The following WWP2 variants were observed in gnomAD, a reference collection of about 807,000 sequenced individuals.
WWP2 encodes WW domain containing E3 ubiquitin protein ligase 2, also known as NEDD4-like E3 ubiquitin-protein ligase WWP2.
WWP2 carries 57 observed loss-of-function variants against 121.0 expected under a neutral mutation model. The ratio of observed to expected loss-of-function variants is 0.47; its 90% CI spans 0.38 to 0.59. The LOEUF is 0.59. Ranked by LOEUF, WWP2 falls within the 20% of genes least tolerant of loss-of-function variation. The pLI is 0.00. For synonymous variants in WWP2, 449 were observed against 441.3 expected (o/e 1.02, Z -0.22); for missense variants, 962 against 1,158.9 (o/e 0.83, Z 2.47).
chr16:69,896,919 C>T (rs890787266), intron 8 of WWP2, among the ~76,000 whole-genome samples: 1 of 151,966 alleles, frequency 6.6e-6, no homozygotes, highest in Non-Finnish European at 1.5e-5. Context: ...TACAGATACA[C>T]GTATAACACA....
At chr16:69,917,075 C>T (rs1413647891) in intron 9 of WWP2, among the ~76,000 whole-genome samples, 1 of 152,196 alleles carries the variant, frequency 6.6e-6, no homozygotes, top group East Asian at 1.9e-4. Context: ...TACACTGGCA[C>T]CTTATATCAG....
At chr16:69,932,455 C>T (rs943050693) in intron 16 of WWP2, among the ~76,000 whole-genome samples, 16 of 152,234 alleles carry the variant, frequency 1.1e-4, no homozygotes, top group Admixed American at 3.9e-4. Context: ...GGTCATGAGG[C>T]GACGGAGGAC....
chr16:69,849,405 T>A (rs2057156703), intron 6 of WWP2, among the ~76,000 whole-genome samples: 1 of 152,228 alleles, frequency 6.6e-6, no homozygotes, highest in Admixed American at 6.5e-5. Context: ...TGCAGTAGCT[T>A]ATGCTTAAAA....
rs200328802 is a variant in WWP2, at chr16:69,860,851, AAAG to A, written c.576-10952_576-10950del. ...ACTCGATCTCTAGTTAAAAAAAAAA[AAAG>A]GAAAGAAAGAACACTCTAATATACT... On this transcript the variant is annotated intron_variant, in intron 6 of 23. Transcript: ENST00000359154. Among the ~76,000 whole-genome samples, 1,477 of 151,420 alleles carry A rather than the reference AAAG, an allele frequency of 9.8e-3. 28 individuals are homozygous for A. The highest frequency in any genetic ancestry group is 0.033 in the African/African-American group (1,340 of 40,962).
At chr16:69,902,470 C>A (rs997842704) in intron 8 of WWP2, among the ~76,000 whole-genome samples, 1 of 152,148 alleles carries the variant, frequency 6.6e-6, no homozygotes, top group Admixed American at 6.6e-5. Context: ...AGTCCATGAT[C>A]CAACCAAATG....
intron 6 of WWP2, among the ~76,000 whole-genome samples, chr16:69,849,231 G>T (rs183958825): frequency 6.6e-6 from 1 of 152,180 alleles, no homozygotes; most frequent in African/African-American, 2.4e-5. Flanking sequence ...CAGGGAGGAG[G>T]GGTGGAGGGT....
intron 1 of WWP2, among the ~76,000 whole-genome samples, chr16:69,767,803 C>T (rs921929101): frequency 2.6e-5 from 4 of 152,122 alleles, no homozygotes; most frequent in African/African-American, 9.7e-5. Flanking sequence ...ATTAGGACTC[C>T]ACATTATGGA....
intron 7 of WWP2, among the ~76,000 whole-genome samples, chr16:69,873,444 C>T (rs2057678535): frequency 6.6e-6 from 1 of 152,158 alleles, no homozygotes; most frequent in African/African-American, 2.4e-5. Context: ...ACTGACTAGC[C>T]CACCCTGAGC....
intron 4 of WWP2, among the ~76,000 whole-genome samples, chr16:69,836,946 G>A (rs978606920): frequency 2.7e-5 from 4 of 148,034 alleles, no homozygotes; most frequent in East Asian, 2.1e-4. Context: ...TTTTTGAGAC[G>A]CAGTCTCATT....
intron 1 of WWP2, among the ~76,000 whole-genome samples, chr16:69,781,043 T>G (rs934621532): frequency 6.6e-6 from 1 of 151,882 alleles, no homozygotes; most frequent in Non-Finnish European, 1.5e-5. Context: ...AACAGGTTGG[T>G]CCTGTGGTAG....
At chr16:69,777,130 G>GAT (rs199913689) in intron 1 of WWP2, among the ~76,000 whole-genome samples, 1 of 143,360 alleles carries the variant, frequency 7.0e-6, no homozygotes, top group South Asian at 2.1e-4. Context: ...TACACATATG[G>GAT]ATATATATAC....
At chr16:69,876,369 C>G (rs1200659566) in intron 7 of WWP2, among the ~76,000 whole-genome samples, 3 of 107,614 alleles carry the variant, frequency 2.8e-5, no homozygotes, top group Non-Finnish European at 4.0e-5. Context: ...TTTTTTTTTT[C>G]GTTTTTTGTT....
At chr16:69,800,176 TTTC>T (rs140464457) in intron 4 of WWP2, among the ~76,000 whole-genome samples, 56,980 of 151,804 alleles carry the variant, frequency 0.38, 10,879 homozygotes, top group Admixed American at 0.49. Flanking sequence ...CCTCTGGTCT[TTTC>T]TTTTCGGCTG....
In WWP2 at chr16:69,934,204, G is replaced by C. The variant is rs898115654; in HGVS notation, c.1842+75G>C. On this transcript the variant is annotated intron_variant, in intron 17 of 23. Transcript: ENST00000359154. ...TTCCCTCTCCTGGTGAAGTGTGCCA[G>C]GGGCACCAGGGGAATCTGCTCTTTC... The C allele has an allele frequency of 1.2e-5, 19 of 1,546,530 alleles. No homozygotes were observed. In the African/African-American group the frequency reaches 2.6e-4, roughly 21 times the overall value.
At chr16:69,848,660 A>AT (rs2057136270) in intron 6 of WWP2, among the ~76,000 whole-genome samples, 1 of 149,920 alleles carries the variant, frequency 6.7e-6, no homozygotes, top group South Asian at 2.1e-4. Context: ...AAAAAAAAAA[A>AT]AGAAGCTATA....
intron 9 of WWP2, among the ~76,000 whole-genome samples, chr16:69,916,071 A>T (rs1386774296): frequency 1.3e-5 from 2 of 152,098 alleles, no homozygotes; most frequent in Non-Finnish European, 2.9e-5. Context: ...ACAAAAATAA[A>T]TAAAAATCAC....
At chr16:69,884,759 C>G (rs1015663904) in intron 7 of WWP2, among the ~76,000 whole-genome samples, 2 of 152,196 alleles carry the variant, frequency 1.3e-5, no homozygotes, top group African/African-American at 4.8e-5. Flanking sequence ...TCAACTCATT[C>G]TGAAGACTGG....
chr16:69,907,852 C>T (rs2058317570), intron 8 of WWP2, among the ~76,000 whole-genome samples: 1 of 152,180 alleles, frequency 6.6e-6, no homozygotes, highest in Non-Finnish European at 1.5e-5. Flanking sequence ...TCACCCAGAT[C>T]TCGTTTAAGA....
At chr16:69,787,651 CGTT>C (rs1372703212) in intron 2 of WWP2, among the ~76,000 whole-genome samples, 6 of 152,196 alleles carry the variant, frequency 3.9e-5, no homozygotes, top group Non-Finnish European at 7.3e-5. Flanking sequence ...CCCTAGGGCT[CGTT>C]GCTACCTGCA....
Sources: allele counts gnomAD v4.1 joint callset (sites outside exome capture counted in the v4.1 genomes callset), GRCh38; gene constraint gnomAD v4.1.1; transcripts MANE v1.5; gene names NCBI Gene and HGNC (gene_info 2026-07-23, HGNC 2026-07-21).